The following NLGN1 variants were observed in gnomAD, a reference collection of about 807,000 sequenced individuals.
The protein encoded by NLGN1 is neuroligin-1.
NLGN1 carries 12 observed loss-of-function variants against 65.5 expected under a neutral mutation model. That is an observed-to-expected ratio of 0.18 (90% CI 0.12 to 0.30). The LOEUF (loss-of-function observed/expected upper bound fraction) is 0.30, where lower values mean the gene tolerates loss of function less well. Among genes scored for constraint, NLGN1 ranks in the 10% least tolerant of loss-of-function variants. NLGN1 has a pLI of 1.00. For missense variants in NLGN1, 750 were observed against 1,007.1 expected, an observed-to-expected ratio of 0.74 and a Z score of 3.46; for synonymous variants, 350 against 359.5, an observed-to-expected ratio of 0.97 and a Z score of 0.30.
At chr3:173,732,948 T>C (rs991416544) in intron 3 of NLGN1, among the ~76,000 whole-genome samples, 1 of 152,064 alleles carries the variant, frequency 6.6e-6, no homozygotes, top group African/African-American at 2.4e-5. Flanking sequence ...TTAATGAGAG[T>C]ATTGGTGATG....
intron 4 of NLGN1, among the ~76,000 whole-genome samples, chr3:174,102,437 G>A (rs1467466247): frequency 6.6e-6 from 1 of 152,102 alleles, no homozygotes; most frequent in Non-Finnish European, 1.5e-5. Flanking sequence ...TACAGATGTG[G>A]AAAAGGGGTA....
At chr3:173,704,872 A>T (rs1177442823) in intron 3 of NLGN1, among the ~76,000 whole-genome samples, 1 of 152,166 alleles carries the variant, frequency 6.6e-6, no homozygotes, top group African/African-American at 2.4e-5. Flanking sequence ...CATAAATTTA[A>T]CAGTGTTTTA....
intron 2 of NLGN1, among the ~76,000 whole-genome samples, chr3:173,546,784 A>T (rs1739924159): frequency 6.6e-6 from 1 of 152,218 alleles, no homozygotes; most frequent in African/African-American, 2.4e-5. Context: ...ACTTATACAC[A>T]TAAAGTTGAG....
At chr3:173,785,008 T>G (rs56194382) in intron 3 of NLGN1, among the ~76,000 whole-genome samples, 7,279 of 126,062 alleles carry the variant, frequency 0.058, 580 homozygotes, top group African/African-American at 0.21. Context: ...AAAACAAATA[T>G]ATAGACAGAG....
chr3:173,434,723 A>G (rs1249845494), intron 1 of NLGN1, among the ~76,000 whole-genome samples: 2 of 152,188 alleles, frequency 1.3e-5, no homozygotes, highest in Non-Finnish European at 1.5e-5. Context: ...AGGAGTTATA[A>G]AGCCACTCTA....
intron 3 of NLGN1, among the ~76,000 whole-genome samples, chr3:173,662,705 ACTT>A (rs1287474237): frequency 4.6e-5 from 7 of 151,964 alleles, no homozygotes; most frequent in African/African-American, 1.7e-4. Context: ...GTGGTTCTCA[ACTT>A]AAGACATTTT....
chr3:174,257,187 A>G (rs1330030131), intron 4 of NLGN1, among the ~76,000 whole-genome samples: 1 of 152,228 alleles, frequency 6.6e-6, no homozygotes, highest in East Asian at 1.9e-4. Flanking sequence ...AGAGAAATGC[A>G]AATCAAAATC....
At chr3:174,053,890 G>A (rs540950108) in intron 4 of NLGN1, among the ~76,000 whole-genome samples, 1 of 151,796 alleles carries the variant, frequency 6.6e-6, no homozygotes, top group South Asian at 2.1e-4. Flanking sequence ...TCCCTATATT[G>A]AAAACTCTGA....
At chr3:173,911,003 T>C (rs1739472687) in intron 4 of NLGN1, 1 of 152,234 alleles carries the variant, frequency 6.6e-6, no homozygotes, top group Non-Finnish European at 1.5e-5. Context: ...GAAATCACAA[T>C]GTTTTATTGC....
chr3:173,457,104 T>C (rs1722629256), intron 2 of NLGN1, among the ~76,000 whole-genome samples: 1 of 152,130 alleles, frequency 6.6e-6, no homozygotes, highest in Non-Finnish European at 1.5e-5. Flanking sequence ...TGGAGGATGA[T>C]ATCCTGAGCC....
intron 4 of NLGN1, among the ~76,000 whole-genome samples, chr3:173,911,768 AT>A (rs1211824825): frequency 6.6e-6 from 1 of 152,194 alleles, no homozygotes; most frequent in Non-Finnish European, 1.5e-5. Flanking sequence ...CATAATAATA[AT>A]AGTGTATCTC....
intron 2 of NLGN1, among the ~76,000 whole-genome samples, chr3:173,588,754 G>T (rs989074914): frequency 8.5e-5 from 13 of 152,154 alleles, no homozygotes; most frequent in African/African-American, 2.9e-4. Context: ...TAGCAGTAAT[G>T]CCTCTTTTGT....
intron 4 of NLGN1, among the ~76,000 whole-genome samples, chr3:174,183,469 A>G (rs1445369376): frequency 1.3e-5 from 2 of 152,132 alleles, no homozygotes; most frequent in South Asian, 2.1e-4. Context: ...CGAACTAGCT[A>G]TTTACTCAAA....
rs563672604 is a variant in NLGN1, at chr3:174,100,477, C to T, written c.647-174838C>T. Among the ~76,000 whole-genome samples, 8 of 152,136 alleles carry T rather than the reference C, an allele frequency of 5.3e-5. No homozygotes were observed. In the South Asian group the frequency reaches 1.7e-3, roughly 32 times the overall value. ...TTTCAATGCCTTTGCTTTCCCAAGG[C>T]ATTTGCCTAAAGTTAAACCCTTTCA... On this transcript the variant is annotated intron_variant, in intron 4 of 6. Coordinates refer to ENST00000457714, the Ensembl canonical transcript of NLGN1.
intron 4 of NLGN1, among the ~76,000 whole-genome samples, chr3:173,838,575 C>A (rs927912973): frequency 2.6e-5 from 4 of 152,094 alleles, no homozygotes; most frequent in African/African-American, 9.7e-5. Flanking sequence ...GATTTATCTG[C>A]CTGCTTCCAT....
chr3:174,057,592 G>A (rs781247258), intron 4 of NLGN1: 5 of 152,000 alleles, frequency 3.3e-5, no homozygotes, highest in South Asian at 2.1e-4. Flanking sequence ...ACCATGAGTC[G>A]ACTTTGGCTG....
At chr3:174,283,862 C>CACTGTATTTT (rs1403335972) in exon 7 of NLGN1, 2 of 151,408 alleles carry the variant, frequency 1.3e-5, no homozygotes, top group Non-Finnish European at 3.0e-5. Flanking sequence ...TCAATTGGAA[C>CACTGTATTTT]ACTGTATTTT....
intron 4 of NLGN1, among the ~76,000 whole-genome samples, chr3:174,166,737 T>C (rs991940374): frequency 6.6e-6 from 1 of 152,106 alleles, no homozygotes; most frequent in Non-Finnish European, 1.5e-5. Context: ...AGTTTCACTG[T>C]TAGTTTTCTG....
chr3:174,212,378 G>A (rs1736850442), intron 4 of NLGN1, among the ~76,000 whole-genome samples: 1 of 152,216 alleles, frequency 6.6e-6, no homozygotes, highest in Non-Finnish European at 1.5e-5. Flanking sequence ...CGCAAGCTGA[G>A]GGAGTGGGCT....
Sources: allele counts gnomAD v4.1 joint callset (sites outside exome capture counted in the v4.1 genomes callset), GRCh38; gene constraint gnomAD v4.1.1; transcripts MANE v1.5; gene names NCBI Gene and HGNC (gene_info 2026-07-23, HGNC 2026-07-21).